Variants in SLCO1B1 observed in about 807,000 individuals in gnomAD.
SLCO1B1 encodes the protein OATP-2.
A neutral mutation model predicts 70.1 loss-of-function variants in SLCO1B1; 81 were observed. The observed-to-expected ratio is 1.16, with a 90% confidence interval of 0.97 to 1.39. The LOEUF is 1.39. Ranked by LOEUF, SLCO1B1 falls within the 40% of genes most tolerant of loss-of-function variation. The pLI, the probability that SLCO1B1 is intolerant of heterozygous loss-of-function variation, is 0.00. For synonymous variants in SLCO1B1, 283 were observed against 271.5 expected (o/e 1.04, Z -0.42); for missense variants, 895 against 799.6 (o/e 1.12, Z -1.44).
intron 11 of SLCO1B1, among the ~76,000 whole-genome samples, chr12:21,210,021 C>T (rs1320559485): frequency 3.3e-5 from 5 of 150,234 alleles, no homozygotes. Flanking sequence ...CCTGTTCACT[C>T]TGATGGTAGT....
chr12:21,133,664 A>T (rs1473582110), intron 1 of SLCO1B1, among the ~76,000 whole-genome samples: 1 of 152,044 alleles, frequency 6.6e-6, no homozygotes, highest in Middle Eastern at 3.2e-3. Flanking sequence ...AATGCTTGTG[A>T]TTTTTATACA....
At chr12:21,202,245 A>G (rs185311393) in intron 9 of SLCO1B1, among the ~76,000 whole-genome samples, 26 of 152,252 alleles carry the variant, frequency 1.7e-4, no homozygotes, top group Admixed American at 1.2e-3. Flanking sequence ...ACATTAGGAC[A>G]AATACCTAAT....
chr12:21,201,362 T>C (rs1941155326), intron 9 of SLCO1B1, among the ~76,000 whole-genome samples: 1 of 152,160 alleles, frequency 6.6e-6, no homozygotes, highest in South Asian at 2.1e-4. Context: ...AATCTCTTTG[T>C]TGATCTTAAG....
In SLCO1B1 at chr12:21,217,169, T is replaced by C. The variant is rs748413943; in HGVS notation, c.1548T>C (p.Asn516=). ...CLEVTGLQNR[N]YSAHLGECPR... is the part of the protein sequence containing the mutation. The stretch of plus-strand genomic sequence containing the variant: ...AAGTAACTGGTCTCCAGAACAGAAA[T>C]TACTCAGCCCATTTGGGTGAATGCC... The change falls in exon 12 of 15, where the codon AAT becomes AAC. Residue 516 remains asparagine, a synonymous_variant. Coordinates refer to ENST00000256958, the MANE Select transcript of SLCO1B1 (RefSeq NM_006446.5). The C allele has an allele frequency of 3.7e-6, 6 of 1,613,786 alleles. No homozygotes were observed. In the South Asian group the frequency reaches 6.6e-5, roughly 18 times the overall value.
At position 21,200,690 on chromosome 12, in the gene SLCO1B1, C is replaced by T; in HGVS notation, c.1135+18C>T. The T allele has an allele frequency of 6.2e-7, 1 of 1,604,316 alleles. No homozygotes were observed. Among genetic ancestry groups the T allele is most frequent in the Non-Finnish European group, 8.5e-7 (1 of 1,173,202 alleles). On this transcript the variant is annotated intron_variant, in intron 9 of 14. Coordinates refer to ENST00000256958, the MANE Select transcript of SLCO1B1 (RefSeq NM_006446.5). ...CTTATTGGGTAAGACATATTTTTTACTTGTGTGCTTAATAAGTGAAATAAT... is the reference window on the plus strand; with the variant it reads ...CTTATTGGGTAAGACATATTTTTTATTTGTGTGCTTAATAAGTGAAATAAT...
chr12:21,209,070 A>C (rs1398223366), intron 11 of SLCO1B1, among the ~76,000 whole-genome samples: 1 of 150,204 alleles, frequency 6.7e-6, no homozygotes, highest in Non-Finnish European at 1.5e-5. Flanking sequence ...ATTTATTTTT[A>C]ATTATACTTT....
intron 7 of SLCO1B1, among the ~76,000 whole-genome samples, chr12:21,183,220 G>C (rs1940926215): frequency 6.7e-6 from 1 of 149,450 alleles, no homozygotes; most frequent in African/African-American, 2.5e-5. Flanking sequence ...ATTTGAGACT[G>C]TACCTCACTC....
At chr12:21,191,628 T>C (rs1467764463) in intron 7 of SLCO1B1, among the ~76,000 whole-genome samples, 1 of 152,122 alleles carries the variant, frequency 6.6e-6, no homozygotes, top group Non-Finnish European at 1.5e-5. Flanking sequence ...CTTTTATTTC[T>C]TTTTCTTGGT....
In SLCO1B1 at chr12:21,132,234, G is replaced by A. The variant is rs528990346; in HGVS notation, c.-62+998G>A. Among the ~76,000 whole-genome samples the A allele has an allele frequency of 1.1e-4, 16 of 152,118 alleles. 1 individual carries two copies. Among genetic ancestry groups the A allele is most frequent in the Admixed American group, 3.3e-4 (5 of 15,252 alleles). On this transcript the variant is annotated intron_variant, in intron 1 of 14. Transcript: ENST00000256958. The stretch of plus-strand genomic sequence containing the variant: ...CCACATTTTCTTAATCCACTCTATC[G>A]TTGTTGGACATTTAGGTTGGTTCCA...
intron 7 of SLCO1B1, among the ~76,000 whole-genome samples, chr12:21,180,653 T>A (rs967524404): frequency 6.6e-6 from 1 of 152,192 alleles, no homozygotes; most frequent in Admixed American, 6.5e-5. Context: ...AACTTGAAAG[T>A]GTTTGCTAAT....
rs935452336 is a variant in SLCO1B1, at chr12:21,214,738, A to G, written c.1498-2381A>G. ...AGACTCCATGGGCGTAGGACCCTCC[A>G]AGACAGGTGCGGGATGTAATCTCGT... On this transcript the variant is annotated intron_variant, in intron 11 of 14. Transcript: ENST00000256958. Among the ~76,000 whole-genome samples, 20 of 152,042 alleles carry G rather than the reference A, an allele frequency of 1.3e-4. No individual in the cohort carries two copies. In the South Asian group the frequency reaches 2.1e-3, roughly 16 times the overall value.
At chr12:21,158,622 A>C (rs1940572953) in intron 2 of SLCO1B1, among the ~76,000 whole-genome samples, 4 of 152,236 alleles carry the variant, frequency 2.6e-5, no homozygotes, top group African/African-American at 9.6e-5. Context: ...TGAACCCAGG[A>C]GGCAGAGGTT....
chr12:21,174,023 C>G lies in SLCO1B1; in HGVS notation c.227-554C>G, dbSNP rs141947394. Among the ~76,000 whole-genome samples the G allele has an allele frequency of 7.5e-3, 1,146 of 152,176 alleles. 15 individuals carry two copies. The highest frequency in any genetic ancestry group is 0.025 in the African/African-American group (1,044 of 41,524). On this transcript the variant is annotated intron_variant, in intron 3 of 14. Transcript: ENST00000256958. Reference sequence around the variant, plus strand: ...CCACCCACCTCAGCCTCCTAAAGTGCTGGGATTACAGGTGTGAGCCACCAT... The same window carrying G: ...CCACCCACCTCAGCCTCCTAAAGTGGTGGGATTACAGGTGTGAGCCACCAT...
In SLCO1B1 at chr12:21,202,593, T is replaced by G; in HGVS notation, c.1238T>G (p.Phe413Cys). 1 of 1,612,846 alleles carries G rather than the reference T, an allele frequency of 6.2e-7. No individual in the cohort carries two copies. The highest frequency in any genetic ancestry group is 8.5e-7 in the Non-Finnish European group (1 of 1,179,298). ...NTVGIAKFSC[F>C]TAVMSLSFYL... is the part of the protein sequence containing the mutation. ...GTTGGAATTGCCAAATTCTCATGTTTTACTGCTGTGATGTCATTGTCCTTT... is the reference window on the plus strand; with the variant it reads ...GTTGGAATTGCCAAATTCTCATGTTGTACTGCTGTGATGTCATTGTCCTTT... The change falls in exon 10 of 15, where the codon TTT (phenylalanine) becomes TGT (cysteine). Residue 413 changes from phenylalanine (F) to cysteine (C), a missense_variant. Transcript: ENST00000256958.
At chr12:21,188,783 C>T (rs1381030616) in intron 7 of SLCO1B1, among the ~76,000 whole-genome samples, 1 of 152,144 alleles carries the variant, frequency 6.6e-6, no homozygotes, top group African/African-American at 2.4e-5. Context: ...TTCCCCTTCC[C>T]CTTAATCACT....
intron 7 of SLCO1B1, 131 bp from the exon 8 acceptor site, chr12:21,196,814 CA>C (rs1406615818): frequency 5.5e-6 from 5 of 908,852 alleles, no homozygotes; most frequent in South Asian, 3.0e-5. Context: ...TCAGAGATGA[CA>C]AAAAATTAAA....
intron 2 of SLCO1B1, among the ~76,000 whole-genome samples, chr12:21,166,503 A>G (rs779610393): frequency 1.3e-5 from 2 of 152,208 alleles, no homozygotes; most frequent in Non-Finnish European, 2.9e-5. Flanking sequence ...CTCACTGAAG[A>G]AGATATAGAG....
chr12:21,224,839 C>T lies in SLCO1B1; in HGVS notation c.1865C>T (p.Ser622Leu), dbSNP rs368052440. 147 of 1,516,902 alleles carry T rather than the reference C, an allele frequency of 9.7e-5. No individual in the cohort carries two copies. The highest frequency in any genetic ancestry group is 9.0e-4 in the Middle Eastern group (5 of 5,532). 94.0% of individuals were successfully genotyped at this position (1,516,902 alleles called of 1,614,324 possible). Reference protein sequence around the residue: ...SCRTYNSTSFSRVYLGLSSML... With the variant: ...SCRTYNSTSFLRVYLGLSSML... ...AGGACATATAATTCCACATCATTTT[C>T]GTAAGTTGTCATAAATATATTTCAT... Residue 622 changes from serine to leucine, a missense_variant and splice_region_variant, in exon 14 of 15, where the codon TCA becomes TTA. Ser to Leu is a moderately radical substitution (Grantham distance 145). Transcript: ENST00000256958.
rs563172528 is a variant in SLCO1B1 at position 21,172,864 on chromosome 12, A to G, written c.226+73A>G. On this transcript the variant is annotated intron_variant, in intron 3 of 14. Transcript: ENST00000256958. ...ATATATATGCTTTACACCACTGGTT[A>G]TCAACTGGGGTAAATTTATCTCTCA... is the stretch of plus-strand genomic sequence containing the variant. The G allele has an allele frequency of 1.1e-4, 154 of 1,378,028 alleles. No individual in the cohort carries two copies. The African/African-American group carries it at 2.1e-3, about 19-fold the overall frequency. The allele number at this position is 1,378,028 out of a possible 1,614,324, so 85.4% of individuals were successfully genotyped here.
Sources: allele counts gnomAD v4.1 joint callset (sites outside exome capture counted in the v4.1 genomes callset), GRCh38; gene constraint gnomAD v4.1.1; transcripts MANE v1.5; gene names NCBI Gene and HGNC (gene_info 2026-07-23, HGNC 2026-07-21).